Variants in OGDH observed in about 807,000 individuals in gnomAD.
OGDH encodes 2-oxoglutarate dehydrogenase complex component E1.
A neutral mutation model predicts 116.6 loss-of-function variants in OGDH; 38 were observed. That is an observed-to-expected ratio of 0.33 (90% CI 0.25 to 0.43). OGDH has a LOEUF of 0.43. OGDH is among the 20% of genes least tolerant of loss of function. The probability of loss-of-function intolerance (pLI) is 1.00; values close to 1 mark genes in which losing one functional copy is unlikely to be tolerated. For synonymous variants in OGDH, 488 were observed against 533.3 expected (o/e 0.92, Z 1.17); for missense variants, 825 against 1,357.2 (o/e 0.61, Z 6.16).
intron 4 of OGDH, among the ~76,000 whole-genome samples, chr7:44,649,632 C>T (rs1170013715): frequency 2.0e-5 from 3 of 152,128 alleles, no homozygotes; most frequent in African/African-American, 7.2e-5. Flanking sequence ...CAACTGTGCA[C>T]GTTAGTATAA....
At chr7:44,661,732 G>T (rs1225372928) in intron 4 of OGDH, among the ~76,000 whole-genome samples, 1 of 152,040 alleles carries the variant, frequency 6.6e-6, no homozygotes, top group African/African-American at 2.4e-5. Context: ...CTCCTGAGTA[G>T]CTGGGATTAT....
intron 12 of OGDH, among the ~76,000 whole-genome samples, 154 bp from the exon 13 acceptor site, chr7:44,695,871 C>T (rs550986325): frequency 1.3e-4 from 20 of 152,176 alleles, no homozygotes; most frequent in African/African-American, 4.3e-4. Context: ...TTTGCATCCA[C>T]GAAGTGTGGG....
Position 44,707,172 on chromosome 7 carries a change from C to T in OGDH, c.2633-53C>T. On this transcript the variant is annotated intron_variant, in intron 20 of 22. Transcript: ENST00000222673. The surrounding 1 kb of genome is among the most constrained non-coding windows in gnomAD (Gnocchi z 5.2). The stretch of plus-strand genomic sequence containing the variant: ...TGGCACAGCCCTGGGCCCAGGAGAG[C>T]TCTCAGCCACATACCTGAGAGAACC... The T allele has an allele frequency of 3.1e-6, 5 of 1,594,568 alleles. No individual in the cohort carries two copies. The South Asian group carries it at 3.4e-5, about 11-fold the overall frequency.
In OGDH at chr7:44,696,019, C is replaced by T. The variant is rs760284033; in HGVS notation, c.1669-6C>T. ...CAGTCACGCTGTGTTGTGCCCAACC[C>T]TCCAGGAGGAAATTTCCAAGTATGA... is the stretch of plus-strand genomic sequence containing the variant. On this transcript the variant is annotated splice_polypyrimidine_tract_variant and splice_region_variant and intron_variant, in intron 12 of 22. Transcript: ENST00000222673. The T allele has an allele frequency of 3.2e-6, 5 of 1,562,364 alleles. No individual in the cohort carries two copies. The highest frequency in any genetic ancestry group is 4.4e-6 in the Non-Finnish European group (5 of 1,133,266).
At position 44,671,539 on chromosome 7, in the gene OGDH, G is replaced by A. The variant is rs1396683332; in HGVS notation, c.634-2248G>A. ...AGCACTTTGTGAGGCCGAGGCGGGC[G>A]GATCACGAGGTCAGGAGATCGAGAC... On this transcript the variant is annotated intron_variant, in intron 5 of 22. Coordinates refer to ENST00000222673, the MANE Select transcript of OGDH (RefSeq NM_002541.4). Among the ~76,000 whole-genome samples, 19 of 151,970 alleles carry A rather than the reference G, an allele frequency of 1.3e-4. No individual in the cohort carries two copies. The East Asian group carries it at 2.3e-3, about 19-fold the overall frequency.
intron 1 of OGDH, among the ~76,000 whole-genome samples, chr7:44,611,879 C>T (rs1174322430): frequency 6.7e-6 from 1 of 149,432 alleles, no homozygotes; most frequent in Non-Finnish European, 1.5e-5. Context: ...TTTTTTGAGT[C>T]CTAAAGACTC....
chr7:44,616,460 G>A (rs932607134), intron 1 of OGDH, among the ~76,000 whole-genome samples: 8 of 152,054 alleles, frequency 5.3e-5, no homozygotes, highest in Non-Finnish European at 1.2e-4. Flanking sequence ...GAGCTAAATA[G>A]GCTTCTGTGC....
At chr7:44,620,784 CGTTAGT>C (rs1275165610) in intron 1 of OGDH, among the ~76,000 whole-genome samples, 1 of 151,546 alleles carries the variant, frequency 6.6e-6, no homozygotes, top group African/African-American at 2.4e-5. Context: ...CATCAGCTGT[CGTTAGT>C]GTTAGTGTAT....
intron 1 of OGDH, among the ~76,000 whole-genome samples, chr7:44,608,568 G>A (rs1398931384): frequency 6.6e-6 from 1 of 151,948 alleles, no homozygotes; most frequent in Non-Finnish European, 1.5e-5. Flanking sequence ...GCATGGTGGC[G>A]TGGGCCTGTA....
At chr7:44,638,663 A>T (rs2115686640) in intron 2 of OGDH, among the ~76,000 whole-genome samples, 1 of 152,286 alleles carries the variant, frequency 6.6e-6, no homozygotes, top group South Asian at 2.1e-4. Context: ...GCCTAAACCA[A>T]CAGGCTTATT....
intron 10 of OGDH, among the ~76,000 whole-genome samples, chr7:44,693,381 A>G (rs951080537): frequency 1.3e-5 from 2 of 152,114 alleles, no homozygotes; most frequent in Non-Finnish European, 2.9e-5. Flanking sequence ...CCGAGACAGG[A>G]GGATTACTTA....
At chr7:44,678,384 C>G (rs1462274179) in intron 9 of OGDH, among the ~76,000 whole-genome samples, 1 of 152,126 alleles carries the variant, frequency 6.6e-6, no homozygotes, top group African/African-American at 2.4e-5. Flanking sequence ...GGACAGAAAT[C>G]CACTCTAGCA....
intron 5 of OGDH, among the ~76,000 whole-genome samples, 161 bp downstream of exon 5, chr7:44,667,012 G>A (rs1000782558): frequency 9.9e-5 from 15 of 152,060 alleles, no homozygotes; most frequent in African/African-American, 3.6e-4. Context: ...CAGTGACACA[G>A]TTTGGCTCAC....
At chr7:44,645,197 C>G in intron 2 of OGDH, 130 bp from the exon 3 acceptor site, 1 of 790,804 alleles carries the variant, frequency 1.3e-6, no homozygotes, top group Non-Finnish European at 2.1e-6. Context: ...ACCCCACTGT[C>G]CAGGAGGAAG....
At chr7:44,674,834 C>T (rs1787618701) in intron 7 of OGDH, 3 of 537,720 alleles carry the variant, frequency 5.6e-6, no homozygotes, top group Admixed American at 3.1e-5. Flanking sequence ...AACCCAAGTT[C>T]CCTTGTTGGG....
Position 44,698,243 on chromosome 7 carries a change from G to A in OGDH, c.2410G>A (p.Asp804Asn). 6.2e-7 allele frequency: 1 copy of A among 1,614,092 alleles called. No individual in the cohort carries two copies. Among genetic ancestry groups the A allele is most frequent in the Non-Finnish European group, 8.5e-7 (1 of 1,180,022 alleles). Residue 804 changes from aspartate to asparagine, a missense_variant, in exon 18 of 23, where the codon GAT becomes AAT. Asp to Asn is a conservative substitution (Grantham distance 23). Coordinates refer to ENST00000222673, the MANE Select transcript of OGDH (RefSeq NM_002541.4). The part of the protein sequence containing the change: ...RPERFLQMCN[D>N]DPDVLPDLKE... ...AGAGCGGTTCTTGCAGATGTGCAAC[G>A]ATGACCCAGATGTCCTGCCAGTGAG...
At chr7:44,620,043 C>G (rs1784949281) in intron 1 of OGDH, among the ~76,000 whole-genome samples, 2 of 152,036 alleles carry the variant, frequency 1.3e-5, no homozygotes, top group African/African-American at 4.8e-5. Context: ...TGTTTTGAGA[C>G]AGAGTCTCGC....
intron 2 of OGDH, among the ~76,000 whole-genome samples, chr7:44,633,000 TC>T (rs1471435995): frequency 6.6e-6 from 1 of 151,300 alleles, no homozygotes; most frequent in African/African-American, 2.4e-5. Flanking sequence ...ACGCCTGTAA[TC>T]CCAGCACTTT....
intron 10 of OGDH, among the ~76,000 whole-genome samples, chr7:44,684,520 C>A (rs554720849): frequency 1.4e-4 from 22 of 152,214 alleles, no homozygotes; most frequent in African/African-American, 4.3e-4. Context: ...CCACTTACTG[C>A]CTACTGTGTC....
Sources: gnomAD v4.1 joint callset for allele counts (sites outside exome capture counted in the v4.1 genomes callset) on GRCh38, gnomAD v4.1.1 for gene constraint, Gnocchi (gnomAD v3.1) non-coding constraint, MANE v1.5 for transcripts, NCBI Gene and HGNC (gene_info 2026-07-23, HGNC 2026-07-21) for gene names.